Variants in TBCA observed in about 807,000 individuals in gnomAD.
TBCA encodes the protein tubulin-specific chaperone A.
TBCA carries 6 observed loss-of-function variants against 15.8 expected under a neutral mutation model. That is an observed-to-expected ratio of 0.38 (90% CI 0.21 to 0.75). The LOEUF (loss-of-function observed/expected upper bound fraction) is 0.75, where lower values mean the gene tolerates loss of function less well. Ranked by LOEUF, TBCA falls within the 30% of genes least tolerant of loss-of-function variation. The pLI, the probability that TBCA is intolerant of heterozygous loss-of-function variation, is 0.46. For synonymous variants in TBCA, 32 were observed against 42.3 expected, an observed-to-expected ratio of 0.76 and a Z score of 0.94; for missense variants, 90 against 131.2, an observed-to-expected ratio of 0.69 and a Z score of 1.53.
intron 1 of TBCA, among the ~76,000 whole-genome samples, chr5:77,773,829 T>C (rs1406120963): frequency 6.6e-6 from 1 of 152,244 alleles, no homozygotes; most frequent in Non-Finnish European, 1.5e-5. Flanking sequence ...TAGACATTGC[T>C]ACAACAAAAT....
intron 1 of TBCA, among the ~76,000 whole-genome samples, chr5:77,771,304 T>C (rs1747907893): frequency 6.6e-6 from 1 of 152,104 alleles, no homozygotes; most frequent in South Asian, 2.1e-4. Context: ...TATTAAAATC[T>C]TGTTGCTGGA....
At chr5:77,768,493 G>A (rs1205864375) in intron 1 of TBCA, among the ~76,000 whole-genome samples, 1 of 152,100 alleles carries the variant, frequency 6.6e-6, no homozygotes, top group Non-Finnish European at 1.5e-5. Flanking sequence ...TTACTATATT[G>A]CAAGAATATA....
At chr5:77,697,244 T>C (rs896468237) in intron 2 of TBCA, among the ~76,000 whole-genome samples, 1 of 152,136 alleles carries the variant, frequency 6.6e-6, no homozygotes, top group African/African-American at 2.4e-5. Flanking sequence ...ACGCACAAGG[T>C]GTAACTGACT....
At chr5:77,691,566 AT>A in intron 3 of TBCA, 68 bp from the exon 4 acceptor site, 1 of 1,472,406 alleles carries the variant, frequency 6.8e-7, no homozygotes, top group South Asian at 1.4e-5. Flanking sequence ...ATTTACTCAA[AT>A]ATTACAAACC....
intron 1 of TBCA, among the ~76,000 whole-genome samples, chr5:77,774,531 G>C (rs993591107): frequency 6.6e-6 from 1 of 152,156 alleles, no homozygotes; most frequent in Non-Finnish European, 1.5e-5. Flanking sequence ...CAGGTCTTAA[G>C]ATAAACTCTT....
chr5:77,733,717 C>A (rs867255015), intron 1 of TBCA, among the ~76,000 whole-genome samples: 2 of 152,226 alleles, frequency 1.3e-5, no homozygotes, highest in Non-Finnish European at 1.5e-5. Context: ...GTAGAAGCTA[C>A]AGCAAGTTAT....
chr5:77,700,501 T>C (rs1003047238), intron 2 of TBCA, among the ~76,000 whole-genome samples: 5 of 152,122 alleles, frequency 3.3e-5, no homozygotes, highest in African/African-American at 9.7e-5. Flanking sequence ...AAAAGCACAA[T>C]GAGTTATCAC....
intron 1 of TBCA, among the ~76,000 whole-genome samples, chr5:77,745,130 G>A (rs1017422431): frequency 1.3e-5 from 2 of 152,048 alleles, no homozygotes; most frequent in Non-Finnish European, 2.9e-5. Context: ...AACTAATGGT[G>A]TTGTTCCCAT....
At chr5:77,761,186 G>A (rs201171017) in intron 1 of TBCA, among the ~76,000 whole-genome samples, 29 of 151,932 alleles carry the variant, frequency 1.9e-4, no homozygotes, top group African/African-American at 5.8e-4. Context: ...TGGTTTTGTC[G>A]AAAAGAAAAG....
At chr5:77,727,287 A>C (rs997301695) in intron 1 of TBCA, among the ~76,000 whole-genome samples, 14 of 151,020 alleles carry the variant, frequency 9.3e-5, no homozygotes, top group African/African-American at 2.9e-4. Flanking sequence ...AGCCACTTTA[A>C]GTTTTAGAGA....
At chr5:77,708,465 G>C (rs1324279093) in intron 1 of TBCA, 118 bp from the exon 2 acceptor site, 17 of 583,052 alleles carry the variant, frequency 2.9e-5, no homozygotes, top group Non-Finnish European at 4.5e-5. Flanking sequence ...TACTAGATGG[G>C]GGGAGGAAGG....
At chr5:77,724,618 A>G (rs1746590794) in intron 1 of TBCA, among the ~76,000 whole-genome samples, 1 of 152,148 alleles carries the variant, frequency 6.6e-6, no homozygotes, top group Non-Finnish European at 1.5e-5. Context: ...TTGGTTTCAC[A>G]CTTCAACAAA....
At chr5:77,757,911 T>C (rs1331464855) in intron 1 of TBCA, among the ~76,000 whole-genome samples, 1 of 152,030 alleles carries the variant, frequency 6.6e-6, no homozygotes, top group Non-Finnish European at 1.5e-5. Context: ...ACCAAATATG[T>C]TAGGGGTGGC....
intron 1 of TBCA, among the ~76,000 whole-genome samples, chr5:77,772,003 G>A (rs1747925606): frequency 6.6e-6 from 1 of 151,746 alleles, no homozygotes; most frequent in Non-Finnish European, 1.5e-5. Context: ...TGAGGCTATG[G>A]AAAATGAACG....
intron 1 of TBCA, among the ~76,000 whole-genome samples, chr5:77,718,091 C>T (rs1456521520): frequency 1.3e-5 from 2 of 151,754 alleles, no homozygotes; most frequent in Admixed American, 6.6e-5. Context: ...GATCGCACAA[C>T]TGCACTCCAG....
At chr5:77,705,514 T>C (rs1055644138) in intron 2 of TBCA, 1 of 398,412 alleles carries the variant, frequency 2.5e-6, no homozygotes, top group Non-Finnish European at 4.4e-6. Context: ...TAAATCCTTA[T>C]GAAGGGTCGT....
At chr5:77,765,161 A>G (rs1055435671) in intron 1 of TBCA, among the ~76,000 whole-genome samples, 4 of 152,216 alleles carry the variant, frequency 2.6e-5, no homozygotes, top group Non-Finnish European at 5.9e-5. Flanking sequence ...AAGCAGCTGG[A>G]TTCTCGTATC....
chr5:77,706,803 T>A (rs1746159926), intron 2 of TBCA, among the ~76,000 whole-genome samples: 1 of 102,152 alleles, frequency 9.8e-6, no homozygotes. Context: ...ACAGCAAGAC[T>A]CCATCTTAAA....
chr5:77,731,421 T>C (rs1417098037), intron 1 of TBCA, among the ~76,000 whole-genome samples: 1 of 152,210 alleles, frequency 6.6e-6, no homozygotes. Context: ...CCATATGAGT[T>C]ACTGGGAAAA....
Sources: allele counts gnomAD v4.1 joint callset (sites outside exome capture counted in the v4.1 genomes callset), GRCh38; gene constraint gnomAD v4.1.1; transcripts MANE v1.5; gene names NCBI Gene and HGNC (gene_info 2026-07-23, HGNC 2026-07-21).